Variants in FCGR2A observed in about 807,000 individuals in gnomAD.
FCGR2A encodes Fc gamma receptor IIa, also known as low affinity immunoglobulin gamma Fc region receptor II-a.
A neutral mutation model predicts 29.3 loss-of-function variants in FCGR2A; 18 were observed. The ratio of observed to expected loss-of-function variants is 0.62; its 90% CI spans 0.43 to 0.91. The LOEUF is 0.91. FCGR2A is among the 40% of genes least tolerant of loss of function. FCGR2A has a pLI of 0.00. For synonymous variants in FCGR2A, 126 were observed against 144.8 expected, an observed-to-expected ratio of 0.87 and a Z score of 0.93; for missense variants, 287 against 393.0, an observed-to-expected ratio of 0.73 and a Z score of 2.28.
intron 5 of FCGR2A, among the ~76,000 whole-genome samples, chr1:161,511,565 G>A (rs998018769): frequency 6.6e-6 from 1 of 152,178 alleles, no homozygotes; most frequent in Non-Finnish European, 1.5e-5. Context: ...GTCCCCATGG[G>A]TGAGCTGAAT....
downstream of FCGR2A, among the ~76,000 whole-genome samples, chr1:161,521,176 G>A (rs1200679392): frequency 6.6e-6 from 1 of 150,446 alleles, no homozygotes; most frequent in Non-Finnish European, 1.5e-5. Flanking sequence ...TACTACTGAT[G>A]TACTATTAAT....
At chr1:161,510,709 C>A in intron 4 of FCGR2A, 125 bp from the exon 5 acceptor site, 1 of 1,274,088 alleles carries the variant, frequency 7.8e-7, no homozygotes, top group Non-Finnish European at 1.1e-6. Context: ...GACTCAGACA[C>A]AGAAGAGCTT....
intron 5 of FCGR2A, chr1:161,513,632 G>T (rs1675956105): frequency 1.4e-5 from 8 of 559,128 alleles, no homozygotes; most frequent in Non-Finnish European, 2.5e-5. Context: ...TTCTAGGAAA[G>T]CTCAGCAATT....
rs1244242252 is a variant in FCGR2A, at chr1:161,513,637, G to A, written c.743-258G>A. 4 of 565,234 alleles carry A rather than the reference G, an allele frequency of 7.1e-6. No individual in the cohort carries two copies. The Admixed American group carries it at 9.8e-5, about 14-fold the overall frequency. 35.0% of individuals were successfully genotyped at this position (565,234 alleles called of 1,614,324 possible). ...TCTGGTTTGCTTCTAGGAAAGCTCA[G>A]CAATTCCCTGAAAAGAGTGTGGCCC... On this transcript the variant is annotated intron_variant, in intron 5 of 6. Transcript: ENST00000271450.
rs1675660247 is a variant in FCGR2A at position 161,510,013 on chromosome 1, C to T, written c.558C>T (p.His186=). The change falls in exon 4 of 7, where the codon CAC becomes CAT. Residue 186 remains histidine (H), a synonymous_variant. Coordinates refer to ENST00000271450, the MANE Select transcript of FCGR2A (RefSeq NM_001136219.3). ...ACCACAGTCACAGTGGTGATTACCA[C>T]TGCACAGGAAACATAGGCTACACGC... ...QANHSHSGDY[H]CTGNIGYTLF... 1.2e-6 allele frequency: 2 copies of T among 1,614,010 alleles called. No individual in the cohort carries two copies. The highest frequency in any genetic ancestry group is 1.7e-5 in the Admixed American group (1 of 60,018).
rs960824648 is a variant in FCGR2A, at chr1:161,518,272, C to T, written c.*124C>T. The T allele has an allele frequency of 5.4e-6, 8 of 1,478,762 alleles. No individual in the cohort carries two copies. Among genetic ancestry groups the T allele is most frequent in the Non-Finnish European group, 6.3e-6 (7 of 1,104,876 alleles). The allele number at this position is 1,478,762 out of a possible 1,614,324, so 91.6% of individuals were successfully genotyped here. A position where few individuals can be genotyped will look rare whatever the true frequency, so the allele number is the denominator to read the frequency against. On this transcript the variant is annotated 3_prime_UTR_variant, in exon 7 of 7. Coordinates refer to ENST00000271450, the MANE Select transcript of FCGR2A (RefSeq NM_001136219.3). ...ATCCTGAGCAAACAAAACCACCTGGCCCTTAGAAATAGCTTTAACTTTGCT... is the reference window on the plus strand; with the variant it reads ...ATCCTGAGCAAACAAAACCACCTGGTCCTTAGAAATAGCTTTAACTTTGCT...
At chr1:161,505,637 C>A in intron 1 of FCGR2A, 85 bp downstream of exon 1, 1 of 1,106,976 alleles carries the variant, frequency 9.0e-7, no homozygotes, top group Non-Finnish European at 1.4e-6. Flanking sequence ...AGGAGCAGGC[C>A]TGGGCCCTGG....
At chr1:161,506,794 C>T (rs1675441956) in intron 3 of FCGR2A, 1 of 1,086,836 alleles carries the variant, frequency 9.2e-7, no homozygotes, top group Non-Finnish European at 1.3e-6. Context: ...ATAATTTTCT[C>T]AGCATGTGTT....
In FCGR2A at chr1:161,506,414, C is replaced by T. The variant is rs9427397; in HGVS notation, c.187C>T (p.Gln63Ter). 180,590 of 1,614,092 alleles carry T rather than the reference C, an allele frequency of 0.11. 11,453 individuals are homozygous for T. Among genetic ancestry groups the T allele is most frequent in the Middle Eastern group, 0.18 (1,119 of 6,060 alleles). ...GGAGGACTCTGTGACTCTGACATGC[C>T]AGGGGGCTCGCAGCCCTGAGAGCGA... ...LQEDSVTLTC[Q>*]GARSPESDSI... Residue 63 changes from glutamine (Q) to a stop codon, truncating the protein, a stop_gained, in exon 3 of 7, where the codon CAG becomes TAG. Coordinates refer to ENST00000271450, the MANE Select transcript of FCGR2A (RefSeq NM_001136219.3). LOFTEE classifies it high-confidence loss of function.
At chr1:161,510,455 C>G (rs1276007461) in intron 4 of FCGR2A, 2 of 467,114 alleles carry the variant, frequency 4.3e-6, no homozygotes, top group Non-Finnish European at 7.8e-6. Context: ...AAGCCTGGCA[C>G]GTCATGGACT....
rs765336574 is a variant in FCGR2A at position 161,510,036 on chromosome 1, C to T, written c.581C>T (p.Thr194Met). The T allele has an allele frequency of 1.1e-5, 17 of 1,613,862 alleles. No individual in the cohort carries two copies. The highest frequency in any genetic ancestry group is 2.7e-5 in the African/African-American group (2 of 74,916). ...CACTGCACAGGAAACATAGGCTACA[C>T]GCTGTTCTCATCCAAGCCTGTGACC... ...DYHCTGNIGY[T>M]LFSSKPVTIT... The change falls in exon 4 of 7, where the codon ACG becomes ATG. Residue 194 changes from threonine (T) to methionine (M), a missense_variant. By Grantham distance (81) the Thr-to-Met change is moderately conservative. Transcript: ENST00000271450.
intron 3 of FCGR2A, among the ~76,000 whole-genome samples, chr1:161,507,460 A>G (rs1675489393): frequency 6.6e-6 from 1 of 152,234 alleles, no homozygotes; most frequent in Non-Finnish European, 1.5e-5. Context: ...GTCTGAAAAT[A>G]TAAGCACATT....
chr1:161,522,446 A>G (rs934521695), downstream of FCGR2A, among the ~76,000 whole-genome samples: 2 of 152,040 alleles, frequency 1.3e-5, no homozygotes, highest in African/African-American at 4.8e-5. Context: ...ATGAGTGGGT[A>G]AGTGGGGTTT....
intron 2 of FCGR2A, 26 bp from the exon 3 acceptor site, chr1:161,506,308 A>T: frequency 6.2e-7 from 1 of 1,613,338 alleles, no homozygotes; most frequent in Non-Finnish European, 8.5e-7. Flanking sequence ...TATTTATTCC[A>T]CACCCCTTTC....
At chr1:161,510,738 A>G (rs1675717247) in intron 4 of FCGR2A, 96 bp from the exon 5 acceptor site, 1 of 1,489,184 alleles carries the variant, frequency 6.7e-7, no homozygotes, top group Admixed American at 1.8e-5. Context: ...AAGCACTGGG[A>G]CATAGCATTG....
Position 161,505,736 on chromosome 1 carries a change from A to G in FCGR2A, c.85+184A>G, listed in dbSNP as rs112207154. ...AAGGTCAGAACTCAGAGGTAGTTTC[A>G]TAGTCCCTGGAAAGTCCATTCTGCA... On this transcript the variant is annotated intron_variant, in intron 1 of 6. Transcript: ENST00000271450. 1.8e-3 allele frequency: 1,307 copies of G among 710,956 alleles called. 12 individuals are homozygous for G. The African/African-American group carries it at 0.019, about 10-fold the overall frequency. 44.0% of individuals were successfully genotyped at this position (710,956 alleles called of 1,614,324 possible).
Position 161,506,357 on chromosome 1 carries a change from A to T in FCGR2A, c.130A>T (p.Lys44Ter), listed in dbSNP as rs1345707956. ...AGCAGCTCCCCCAAAGGCTGTGCTG[A>T]AACTTGAGCCCCCGTGGATCAACGT... is the stretch of plus-strand genomic sequence containing the variant. The part of the protein sequence containing the change: ...QAAAPPKAVL[K>*]LEPPWINVLQ... Residue 44 changes from lysine to a stop codon, truncating the protein, a stop_gained, in exon 3 of 7, where the codon AAA becomes TAA. Transcript: ENST00000271450. LOFTEE classifies it high-confidence loss of function. The T allele has an allele frequency of 6.2e-7, 1 of 1,614,216 alleles. No individual in the cohort carries two copies. Among genetic ancestry groups the T allele is most frequent in the East Asian group, 2.2e-5 (1 of 44,884 alleles).
In FCGR2A at chr1:161,510,167, C is replaced by G. The variant is rs1177951687; in HGVS notation, c.619+93C>G. The G allele has an allele frequency of 4.5e-6, 7 of 1,565,542 alleles. No homozygotes were observed. In the African/African-American group the frequency reaches 8.2e-5, roughly 18 times the overall value. On this transcript the variant is annotated intron_variant, in intron 4 of 6. Coordinates refer to ENST00000271450, the MANE Select transcript of FCGR2A (RefSeq NM_001136219.3). ...GCCTACATGGAGGTCTGAGAAAGCC[C>G]ATAGCAGCAAAATTGGGCACTGGAG... is the stretch of plus-strand genomic sequence containing the variant.
downstream of FCGR2A, among the ~76,000 whole-genome samples, chr1:161,521,055 T>C (rs1676432574): frequency 1.3e-5 from 2 of 150,346 alleles, no homozygotes; most frequent in African/African-American, 4.9e-5. Flanking sequence ...TTTAGGTCTT[T>C]ACTCACATGT....
Sources: gnomAD v4.1 joint callset for allele counts (sites outside exome capture counted in the v4.1 genomes callset) on GRCh38, gnomAD v4.1.1 for gene constraint, MANE v1.5 for transcripts, NCBI Gene and HGNC (gene_info 2026-07-23, HGNC 2026-07-21) for gene names.